Variants in BNC2 observed in about 807,000 individuals in gnomAD.
BNC2 encodes the protein zinc finger protein basonuclin-2.
In BNC2, 20 loss-of-function variants were observed where a neutral mutation model predicts 76.3. The ratio of observed to expected loss-of-function variants is 0.26; its 90% confidence interval spans 0.18 to 0.38. The LOEUF is 0.38. BNC2 is among the 10% of genes least tolerant of loss of function. The pLI, the probability that BNC2 is intolerant of heterozygous loss-of-function variation, is 1.00. For synonymous variants in BNC2, 582 were observed against 514.8 expected (o/e 1.13, Z -1.77); for missense variants, 1,382 against 1,399.8 (o/e 0.99, Z 0.20).
At chr9:16,588,376 C>T (rs546808870) in intron 3 of BNC2, among the ~76,000 whole-genome samples, 43 of 152,244 alleles carry the variant, frequency 2.8e-4, no homozygotes, top group Admixed American at 5.9e-4. Flanking sequence ...CTTTGACATA[C>T]ATAATACCAT....
chr9:16,689,163 C>CAAAAAA (rs58620248), intron 3 of BNC2, among the ~76,000 whole-genome samples: 1 of 50,492 alleles, frequency 2.0e-5, no homozygotes. Flanking sequence ...ACTGAGATCA[C>CAAAAAA]AAAAAAAAAA....
chr9:16,444,215 T>G (rs767812152), intron 5 of BNC2, among the ~76,000 whole-genome samples: 3 of 152,130 alleles, frequency 2.0e-5, no homozygotes, highest in Non-Finnish European at 4.4e-5. Context: ...CTAAAGGTGA[T>G]TTTTTGCTAG....
chr9:16,428,931 A>G (rs1354911067), intron 6 of BNC2, among the ~76,000 whole-genome samples: 3 of 152,180 alleles, frequency 2.0e-5, no homozygotes, highest in Admixed American at 2.0e-4. Context: ...ACTGAAGAAA[A>G]ATTGTCCTTT....
chr9:16,849,352 A>ATTTTTT lies in BNC2; in HGVS notation c.3+21288_3+21293dup, dbSNP rs35561834. Among the ~76,000 whole-genome samples the ATTTTTT allele has an allele frequency of 1.2e-3, 112 of 90,092 alleles. 2 individuals carry two copies. The highest frequency in any genetic ancestry group is 3.4e-3 in the African/African-American group (75 of 21,816). The allele number at this position is 90,092 out of a possible 152,430, so 59.1% of individuals were successfully genotyped here. ...TAGATCTGCAGATTCCATGCAAAAGATTTTTTTTTTTTTTTTTTTTTTTTG... is the reference window on the plus strand; with the variant it reads ...TAGATCTGCAGATTCCATGCAAAAGATTTTTTTTTTTTTTTTTTTTTTTTTTTTTTG... On this transcript the variant is annotated intron_variant, in intron 1 of 6. Coordinates refer to ENST00000380672, the MANE Select transcript of BNC2 (RefSeq NM_017637.6).
In BNC2 at chr9:16,785,643, C is replaced by T. The variant is rs1041413962; in HGVS notation, c.4-47158G>A. 5.6e-4 allele frequency among the ~76,000 whole-genome samples: 85 copies of T among 150,844 alleles called. 1 individual carries two copies. Among genetic ancestry groups the T allele is most frequent in the Non-Finnish European group, 4.7e-4 (32 of 67,806 alleles). On this transcript the variant is annotated intron_variant, in intron 1 of 6. Coordinates refer to ENST00000380672, the MANE Select transcript of BNC2 (RefSeq NM_017637.6). ...AAACTCCTGACCTCAGGTGATCGGC[C>T]CGCCTCGGCCTCCCAAAGTGCTGGG...
At chr9:16,863,246 C>T (rs567723818) in intron 1 of BNC2, among the ~76,000 whole-genome samples, 2 of 152,270 alleles carry the variant, frequency 1.3e-5, no homozygotes, top group Admixed American at 6.5e-5. Context: ...TACTTCCGCC[C>T]GCTGGCCAAA....
At chr9:16,509,466 G>T (rs1004103497) in intron 5 of BNC2, among the ~76,000 whole-genome samples, 2 of 152,006 alleles carry the variant, frequency 1.3e-5, no homozygotes, top group African/African-American at 4.8e-5. Flanking sequence ...AGTAACATTG[G>T]TATCAGACAT....
chr9:16,841,958 C>T (rs761766863), intron 1 of BNC2, among the ~76,000 whole-genome samples: 1 of 152,044 alleles, frequency 6.6e-6, no homozygotes, highest in Admixed American at 6.6e-5. Context: ...TACAGGCATG[C>T]ACTACCACGT....
rs1170326977 is a variant in BNC2 at position 16,634,722 on chromosome 9, CG to C, written c.331-51638del. Among the ~76,000 whole-genome samples, 8 of 151,908 alleles carry C rather than the reference CG, an allele frequency of 5.3e-5. No homozygotes were observed. The East Asian group carries it at 1.5e-3, about 29-fold the overall frequency. ...TTCATTGTGTTAGCCAGGATGGTCT[CG>C]ATCTCCTGACCTTGTGATCTACCCG... is the stretch of plus-strand genomic sequence containing the variant. On this transcript the variant is annotated intron_variant, in intron 3 of 6. Coordinates refer to ENST00000380672, the MANE Select transcript of BNC2 (RefSeq NM_017637.6).
chr9:16,471,539 GC>G (rs1286919831), intron 5 of BNC2, among the ~76,000 whole-genome samples: 2 of 152,056 alleles, frequency 1.3e-5, no homozygotes, highest in African/African-American at 4.8e-5. Context: ...TGATCCGCCC[GC>G]CTTGGCCACC....
intron 5 of BNC2, among the ~76,000 whole-genome samples, chr9:16,540,229 T>G (rs1298285489): frequency 6.7e-6 from 1 of 149,628 alleles, no homozygotes; most frequent in East Asian, 2.0e-4. Flanking sequence ...TGTGAAATTC[T>G]CAAACTTGCA....
intron 1 of BNC2, among the ~76,000 whole-genome samples, chr9:16,787,163 C>T (rs1826318160): frequency 6.6e-6 from 1 of 152,172 alleles, no homozygotes; most frequent in East Asian, 1.9e-4. Context: ...TGATGTGAAA[C>T]TGACAAGCAA....
At chr9:16,849,183 A>G (rs1819064809) in intron 1 of BNC2, among the ~76,000 whole-genome samples, 1 of 151,960 alleles carries the variant, frequency 6.6e-6, no homozygotes, top group Admixed American at 6.6e-5. Context: ...GCTTTCCTGG[A>G]GTCAAATTTA....
At chr9:16,749,698 CT>C (rs1825127452) in intron 1 of BNC2, among the ~76,000 whole-genome samples, 1 of 48,654 alleles carries the variant, frequency 2.1e-5, no homozygotes, top group South Asian at 4.5e-4. Context: ...AGATCCTGTG[CT>C]TTAAAAAAAA....
At chr9:16,655,694 A>T (rs912403523) in intron 3 of BNC2, among the ~76,000 whole-genome samples, 1 of 152,240 alleles carries the variant, frequency 6.6e-6, no homozygotes, top group African/African-American at 2.4e-5. Context: ...CCTATTATAG[A>T]ATATTTTCCT....
In BNC2 at chr9:16,444,677, G is replaced by C. The variant is rs193057670; in HGVS notation, c.670-7153C>G. ...TTGGAAAGAGGTGGCTCTGAGTGCTGAAAGCAGGAGTTTCAGGGAGATATT... is the reference window on the plus strand; with the variant it reads ...TTGGAAAGAGGTGGCTCTGAGTGCTCAAAGCAGGAGTTTCAGGGAGATATT... On this transcript the variant is annotated intron_variant, in intron 5 of 6. Coordinates refer to ENST00000380672, the MANE Select transcript of BNC2 (RefSeq NM_017637.6). 3.9e-5 allele frequency among the ~76,000 whole-genome samples: 6 copies of C among 152,288 alleles called. No homozygotes were observed. In the East Asian group the frequency reaches 1.2e-3, roughly 29 times the overall value.
chr9:16,704,219 G>A (rs1229690249), intron 3 of BNC2, among the ~76,000 whole-genome samples: 1 of 152,046 alleles, frequency 6.6e-6, no homozygotes, highest in Admixed American at 6.5e-5. Context: ...TATATGTAAT[G>A]CACACGATTA....
At position 16,539,686 on chromosome 9, in the gene BNC2, GGA is replaced by G. The variant is rs1456902990; in HGVS notation, c.669+12842_669+12843del. Among the ~76,000 whole-genome samples the G allele has an allele frequency of 5.3e-5, 6 of 112,826 alleles. 1 individual carries two copies. The highest frequency in any genetic ancestry group is 2.8e-4 in the African/African-American group (6 of 21,440). 74.0% of individuals were successfully genotyped at this position (112,826 alleles called of 152,430 possible). The stretch of plus-strand genomic sequence containing the variant: ...AGGGAGGGAGGGAGGGAGGAAGGAA[GGA>G]AGGGAGAAAGGAAGGGAGGAAGGAA... On this transcript the variant is annotated intron_variant, in intron 5 of 6. Transcript: ENST00000380672.
chr9:16,505,428 A>T (rs755234136), intron 5 of BNC2, among the ~76,000 whole-genome samples: 25 of 152,216 alleles, frequency 1.6e-4, no homozygotes, highest in Admixed American at 1.5e-3. Flanking sequence ...CTGGCTATCT[A>T]TGAAGGTGAA....
Sources: gnomAD v4.1 joint callset for allele counts (sites outside exome capture counted in the v4.1 genomes callset) on GRCh38, gnomAD v4.1.1 for gene constraint, MANE v1.5 for transcripts, NCBI Gene and HGNC (gene_info 2026-07-23, HGNC 2026-07-21) for gene names.